Variants in RAB40C observed in about 807,000 individuals in gnomAD.
RAB40C encodes ras-related protein Rab-40C.
A neutral mutation model predicts 28.1 loss-of-function variants in RAB40C; 8 were observed. The ratio of observed to expected loss-of-function variants is 0.28; its 90% CI spans 0.17 to 0.51. RAB40C has a LOEUF of 0.51. RAB40C is among the 20% of genes least tolerant of loss of function. RAB40C has a pLI of 0.97. For synonymous variants in RAB40C, 201 were observed against 171.7 expected, an observed-to-expected ratio of 1.17 and a Z score of -1.34; for missense variants, 288 against 405.9, an observed-to-expected ratio of 0.71 and a Z score of 2.50.
At chr16:596,430 C>T (rs1326606066) in intron 1 of RAB40C, 15 of 431,106 alleles carry the variant, frequency 3.5e-5, no homozygotes, top group Non-Finnish European at 6.6e-5. Flanking sequence ...CAGCTGAGTC[C>T]TCCCCTGCGC....
chr16:626,238 C>A, intron 5 of RAB40C, 117 bp downstream of exon 5: 1 of 1,067,538 alleles, frequency 9.4e-7, no homozygotes. Context: ...CCCTTGGCAA[C>A]GCGCAGTAGG....
intron 1 of RAB40C, among the ~76,000 whole-genome samples, chr16:600,666 G>A (rs947736381): frequency 6.6e-5 from 10 of 152,170 alleles, no homozygotes; most frequent in African/African-American, 2.2e-4. Flanking sequence ...CAGGAGAATC[G>A]CTTGAACCTG....
chr16:592,818 A>G (rs2151057324), intron 1 of RAB40C, among the ~76,000 whole-genome samples: 1 of 152,332 alleles, frequency 6.6e-6, no homozygotes, highest in East Asian at 1.9e-4. Context: ...ACTGCACCAC[A>G]CAGCCAGGAG....
intron 1 of RAB40C, among the ~76,000 whole-genome samples, chr16:608,271 G>A (rs11248941): frequency 3.9e-5 from 6 of 152,140 alleles, no homozygotes; most frequent in Admixed American, 1.3e-4. Flanking sequence ...TCACTCACCC[G>A]CACAAAAACA....
chr16:592,317 G>A (rs561016449), intron 1 of RAB40C, among the ~76,000 whole-genome samples: 7 of 152,234 alleles, frequency 4.6e-5, no homozygotes, highest in Admixed American at 1.3e-4. Context: ...TTGGCAGAGC[G>A]TGGGATTACC....
intron 1 of RAB40C, among the ~76,000 whole-genome samples, chr16:607,005 C>T (rs778542482): frequency 1.3e-5 from 2 of 152,336 alleles, no homozygotes; most frequent in Non-Finnish European, 1.5e-5. Flanking sequence ...GACAGACTAC[C>T]ACCTGAGCCA....
chr16:609,670 C>T (rs980752549), intron 1 of RAB40C, among the ~76,000 whole-genome samples: 2 of 152,130 alleles, frequency 1.3e-5, no homozygotes. Context: ...CAGAGGGGAA[C>T]GCTCAGAGCA....
chr16:605,564 C>G (rs961666998), intron 1 of RAB40C, among the ~76,000 whole-genome samples: 3 of 152,214 alleles, frequency 2.0e-5, no homozygotes, highest in Non-Finnish European at 4.4e-5. Context: ...AGGGCAAACT[C>G]TCCTGTGTCC....
intron 1 of RAB40C, among the ~76,000 whole-genome samples, chr16:591,012 G>A (rs1031943971): frequency 2.6e-5 from 4 of 151,932 alleles, no homozygotes; most frequent in East Asian, 1.9e-4. Context: ...AAAGGAAGGT[G>A]TCATGGGTCT....
intron 1 of RAB40C, among the ~76,000 whole-genome samples, chr16:591,260 G>A (rs8047461): frequency 0.17 from 25,932 of 149,914 alleles, 2,089 homozygotes; most frequent in South Asian, 0.25. Context: ...GGGGTCTGAG[G>A]GAAGGTGTCA....
intron 1 of RAB40C, among the ~76,000 whole-genome samples, chr16:599,647 T>C (rs148322334): frequency 1.2e-4 from 18 of 147,730 alleles, no homozygotes; most frequent in African/African-American, 4.3e-4. Context: ...TTAATCAGCG[T>C]GGATTCAGCA....
intron 3 of RAB40C, chr16:624,134 A>G (rs537892931): frequency 1.0e-6 from 1 of 985,416 alleles, no homozygotes; most frequent in African/African-American, 1.7e-5. Context: ...TGTCGTTGTT[A>G]TCAGCGCCAC....
At chr16:597,356 G>C (rs2036149262) in intron 1 of RAB40C, among the ~76,000 whole-genome samples, 1 of 152,128 alleles carries the variant, frequency 6.6e-6, no homozygotes, top group South Asian at 2.1e-4. Flanking sequence ...AGTGAACACA[G>C]TCCTCAAACC....
chr16:622,026 G>T (rs930229607), intron 3 of RAB40C, among the ~76,000 whole-genome samples: 4 of 152,196 alleles, frequency 2.6e-5, no homozygotes, highest in African/African-American at 9.7e-5. Flanking sequence ...CTTCACTCTC[G>T]CTGGCTGTAC....
chr16:609,286 G>A (rs1440693476), intron 1 of RAB40C, among the ~76,000 whole-genome samples: 1 of 152,210 alleles, frequency 6.6e-6, no homozygotes, highest in African/African-American at 2.4e-5. Context: ...AGCACAGGAG[G>A]TTTATTCTCT....
intron 1 of RAB40C, among the ~76,000 whole-genome samples, chr16:591,716 C>T (rs1268425902): frequency 6.6e-6 from 1 of 152,020 alleles, no homozygotes; most frequent in Non-Finnish European, 1.5e-5. Flanking sequence ...CTCAGCCTCC[C>T]GAGTAGCTGG....
chr16:620,836 C>CT (rs113983612), intron 3 of RAB40C, among the ~76,000 whole-genome samples: 1 of 151,758 alleles, frequency 6.6e-6, no homozygotes, highest in African/African-American at 2.4e-5. Flanking sequence ...GCCACCCCCC[C>CT]CGACGGGCTC....
At chr16:596,388 G>A (rs7197889) in intron 1 of RAB40C, 10,490 of 455,186 alleles carry the variant, frequency 0.023, 958 homozygotes, top group African/African-American at 0.19. Flanking sequence ...GAGCCCCTGC[G>A]AGCTGGCGTA....
chr16:622,569 G>A lies in RAB40C; in HGVS notation c.265-2863G>A, dbSNP rs541210988. ...TGTCGCCAGGCTGGAGTGCCGTGGC[G>A]CGATCTCGGCTCACTGCAACCTCCG... is the stretch of plus-strand genomic sequence containing the variant. On this transcript the variant is annotated intron_variant, in intron 3 of 5. Coordinates refer to ENST00000248139, the MANE Select transcript of RAB40C (RefSeq NM_021168.5). Among the ~76,000 whole-genome samples, 4 of 152,306 alleles carry A rather than the reference G, an allele frequency of 2.6e-5. No individual in the cohort carries two copies. The East Asian group carries it at 7.7e-4, about 29-fold the overall frequency.
Sources: allele counts gnomAD v4.1 joint callset (sites outside exome capture counted in the v4.1 genomes callset), GRCh38; gene constraint gnomAD v4.1.1; transcripts MANE v1.5; gene names NCBI Gene and HGNC (gene_info 2026-07-23, HGNC 2026-07-21).